The following DYRK1A variants were observed in gnomAD, a reference collection of about 807,000 sequenced individuals.
DYRK1A encodes the protein dual specificity tyrosine-phosphorylation-regulated kinase 1A.
In DYRK1A, 9 loss-of-function variants were observed where a neutral mutation model predicts 79.7. The ratio of observed to expected loss-of-function variants is 0.11; its 90% CI spans 0.07 to 0.20. The LOEUF is 0.20. Ranked by LOEUF, DYRK1A falls within the 10% of genes least tolerant of loss-of-function variation. The pLI, the probability that DYRK1A is intolerant of heterozygous loss-of-function variation, is 1.00. For synonymous variants in DYRK1A, 349 were observed against 329.7 expected (o/e 1.06, Z -0.63); for missense variants, 622 against 956.0 (o/e 0.65, Z 4.61).
intron 2 of DYRK1A, among the ~76,000 whole-genome samples, chr21:37,438,469 G>A (rs1038102923): frequency 2.0e-5 from 3 of 152,232 alleles, no homozygotes; most frequent in African/African-American, 7.2e-5. Flanking sequence ...ATTTAAGTCT[G>A]TGGTCCATTT....
At chr21:37,503,086 A>G (rs373217687) in intron 9 of DYRK1A, 1 of 151,898 alleles carries the variant, frequency 6.6e-6, no homozygotes, top group East Asian at 1.9e-4. Flanking sequence ...CAGTTTGACT[A>G]TTTACCTAGG....
At chr21:37,499,792 T>C (rs941403044) in intron 9 of DYRK1A, among the ~76,000 whole-genome samples, 11 of 152,236 alleles carry the variant, frequency 7.2e-5, no homozygotes, top group African/African-American at 2.7e-4. Flanking sequence ...ATTCACCTAT[T>C]CTAGTACAGT....
intron 2 of DYRK1A, among the ~76,000 whole-genome samples, chr21:37,431,503 G>A (rs1414678383): frequency 5.9e-5 from 9 of 152,220 alleles, no homozygotes; most frequent in Admixed American, 3.3e-4. Flanking sequence ...GGTTTCGACC[G>A]GGTGTTTGGA....
rs537676976 is a variant in DYRK1A at position 37,473,175 on chromosome 21, G to C, written c.207+295G>C. ...CTTGAAGAAAAAGCTTATTTTTATG[G>C]AAAGGTGGCTAAGTTAAAACCGTTA... On this transcript the variant is annotated intron_variant, in intron 3 of 11. Coordinates refer to ENST00000647188, the MANE Select transcript of DYRK1A (RefSeq NM_001347721.2). Among the ~76,000 whole-genome samples the C allele has an allele frequency of 2.2e-4, 33 of 152,212 alleles. No homozygotes were observed. The Middle Eastern group carries it at 0.01, about 47-fold the overall frequency.
intron 1 of DYRK1A, among the ~76,000 whole-genome samples, chr21:37,369,606 A>G (rs1002459358): frequency 6.6e-6 from 1 of 152,204 alleles, no homozygotes. Context: ...TAAAAAGTTC[A>G]TTTTTACCTC....
chr21:37,477,320 A>G (rs1228091437), intron 3 of DYRK1A, among the ~76,000 whole-genome samples: 4 of 152,174 alleles, frequency 2.6e-5, no homozygotes, highest in Non-Finnish European at 5.9e-5. Context: ...GACCACCTTG[A>G]TGGAAATAAT....
intron 3 of DYRK1A, among the ~76,000 whole-genome samples, chr21:37,474,162 C>T (rs1318702557): frequency 6.6e-6 from 1 of 152,158 alleles, no homozygotes; most frequent in Non-Finnish European, 1.5e-5. Context: ...TTCTTAGATA[C>T]AGTGCTCTTT....
At position 37,515,052 on chromosome 21, in the gene DYRK1A, T is replaced by C. The variant is rs1424028437; in HGVS notation, c.*2521T>C. On this transcript the variant is annotated 3_prime_UTR_variant, in exon 12 of 12. Coordinates refer to ENST00000647188, the MANE Select transcript of DYRK1A (RefSeq NM_001347721.2). The stretch of plus-strand genomic sequence containing the variant: ...CAGCATGGAAAAGGTTAAATACCTG[T>C]GTTCAGATTGTAAGATCTAGTCCGG... 6.5e-6 allele frequency: 1 copy of C among 152,686 alleles called. No homozygotes were observed. The allele number at this position is 152,686 out of a possible 1,614,324, so 9.5% of individuals were successfully genotyped here.
At chr21:37,467,946 T>C (rs770237429) in intron 2 of DYRK1A, among the ~76,000 whole-genome samples, 3 of 152,106 alleles carry the variant, frequency 2.0e-5, no homozygotes, top group Non-Finnish European at 4.4e-5. Flanking sequence ...ATGTGGCTAT[T>C]TGCTACATTA....
chr21:37,455,035 T>TTTTTC (rs1331058278), intron 2 of DYRK1A, among the ~76,000 whole-genome samples: 89 of 151,416 alleles, frequency 5.9e-4, no homozygotes, highest in African/African-American at 2.1e-3. Flanking sequence ...TTTTTTTTTT[T>TTTTTC]TTTCGTGCCC....
At position 37,524,742 on chromosome 21, in the gene DYRK1A, C is replaced by T. The variant is rs1419282870; in HGVS notation, c.*12211C>T. The stretch of plus-strand genomic sequence containing the variant: ...GGAGCCAGTACCAAGTTGGAAGTAA[C>T]TGAAGAATTGGCCTCTATCAATAGT... On this transcript the variant is annotated 3_prime_UTR_variant, in exon 12 of 12. Transcript: ENST00000647188. 2 of 152,348 alleles carry T rather than the reference C, an allele frequency of 1.3e-5. No homozygotes were observed. The highest frequency in any genetic ancestry group is 2.1e-4 in the South Asian group (1 of 4,830). The allele number at this position is 152,348 out of a possible 1,614,324, so 9.4% of individuals were successfully genotyped here. A position where few individuals can be genotyped will look rare whatever the true frequency, so the allele number is the denominator to read the frequency against.
chr21:37,442,910 C>T (rs1020270316), intron 2 of DYRK1A, among the ~76,000 whole-genome samples: 1 of 152,166 alleles, frequency 6.6e-6, no homozygotes, highest in African/African-American at 2.4e-5. Flanking sequence ...TTGTAGCTCA[C>T]TGGGGCCTCA....
At position 37,519,744 on chromosome 21, in the gene DYRK1A, T is replaced by TTTTGTTTTGTTTTGTTTTGTTTTG. The variant is rs1569413777; in HGVS notation, c.*7216_*7217insGTTTTGTTTTGTTTTGTTTTGTTT. 1.0e-5 allele frequency: 1 copy of TTTTGTTTTGTTTTGTTTTGTTTTG among 99,752 alleles called. No homozygotes were observed. The allele number at this position is 99,752 out of a possible 1,614,324, so 6.2% of individuals were successfully genotyped here. A position where few individuals can be genotyped will look rare whatever the true frequency, so the allele number is the denominator to read the frequency against. ...GAGGTTTGTTGTGGGAAGTTTTTTTTTTTTTTTTTTTTTTTGAGGCGGAGT... is the reference window on the plus strand; with the variant it reads ...GAGGTTTGTTGTGGGAAGTTTTTTTTTTTGTTTTGTTTTGTTTTGTTTTGTTTTTTTTTTTTTTTGAGGCGGAGT... On this transcript the variant is annotated 3_prime_UTR_variant, in exon 12 of 12. Transcript: ENST00000647188.
chr21:37,385,084 A>G (rs1267706953), intron 1 of DYRK1A, among the ~76,000 whole-genome samples: 2 of 152,030 alleles, frequency 1.3e-5, no homozygotes, highest in South Asian at 2.1e-4. Flanking sequence ...TTGGCTTCAT[A>G]TATACATCTA....
At chr21:37,375,000 C>T (rs2049508808) in intron 1 of DYRK1A, 1 of 152,178 alleles carries the variant, frequency 6.6e-6, no homozygotes, top group Non-Finnish European at 1.5e-5. Context: ...ATAAGCAGGC[C>T]TGGGACTAGC....
At chr21:37,416,119 T>C in intron 1 of DYRK1A, among the ~76,000 whole-genome samples, 1 of 152,128 alleles carries the variant, frequency 6.6e-6, no homozygotes, top group East Asian at 1.9e-4. Flanking sequence ...TGACCCTTGC[T>C]TTCCCTGTTG....
chr21:37,478,872 A>G (rs1321001649), intron 4 of DYRK1A, among the ~76,000 whole-genome samples: 1 of 152,206 alleles, frequency 6.6e-6, no homozygotes, highest in Non-Finnish European at 1.5e-5. Context: ...AGTAAATAAG[A>G]TAAAAAACAG....
chr21:37,478,358 G>T, intron 4 of DYRK1A, 58 bp downstream of exon 4: 7 of 1,535,316 alleles, frequency 4.6e-6, no homozygotes, highest in Non-Finnish European at 5.3e-6. Context: ...GAGAAAAAAA[G>T]TGTGACCTAT....
intron 2 of DYRK1A, among the ~76,000 whole-genome samples, 197 bp from the exon 3 acceptor site, chr21:37,472,487 C>A (rs559983860): frequency 6.6e-6 from 1 of 152,288 alleles, no homozygotes; most frequent in East Asian, 1.9e-4. Context: ...AGTTTATATT[C>A]ATTTTAATCA....
Sources: allele counts gnomAD v4.1 joint callset (sites outside exome capture counted in the v4.1 genomes callset), GRCh38; gene constraint gnomAD v4.1.1; transcripts MANE v1.5; gene names NCBI Gene and HGNC (gene_info 2026-07-23, HGNC 2026-07-21).